The following SEMA3A variants were observed in gnomAD, a reference collection of about 807,000 sequenced individuals.
SEMA3A encodes the protein semaphorin 3A.
A neutral mutation model predicts 97.9 loss-of-function variants in SEMA3A; 29 were observed. That is an observed-to-expected ratio of 0.30 (90% CI 0.22 to 0.40). SEMA3A has a LOEUF of 0.40. Ranked by LOEUF, SEMA3A falls within the 10% of genes least tolerant of loss-of-function variation. SEMA3A has a pLI of 1.00. For synonymous variants in SEMA3A, 321 were observed against 323.7 expected, an observed-to-expected ratio of 0.99 and a Z score of 0.09; for missense variants, 763 against 951.3, an observed-to-expected ratio of 0.80 and a Z score of 2.60.
At position 83,961,845 on chromosome 7, in the gene SEMA3A, G is replaced by T. The variant is rs1273612178; in HGVS notation, c.1861-19C>A. On this transcript the variant is annotated intron_variant, in intron 16 of 16. Transcript: ENST00000265362. ...CTCTGATCTAGCAGGTTAAAAAAAA[G>T]GCAGTGTAAAATATACATATTTAAA... is the stretch of plus-strand genomic sequence containing the variant. 5 of 1,578,538 alleles carry T rather than the reference G, an allele frequency of 3.2e-6. No individual in the cohort carries two copies. The African/African-American group carries it at 6.8e-5, about 21-fold the overall frequency.
At chr7:84,396,507 AG>A (rs1431612232) in intron 1 of SEMA3A, among the ~76,000 whole-genome samples, 1 of 151,972 alleles carries the variant, frequency 6.6e-6, no homozygotes, top group African/African-American at 2.4e-5. Flanking sequence ...GGAAGATAGA[AG>A]GCACTGTAAT....
At chr7:84,403,104 C>T (rs552245122) in intron 1 of SEMA3A, among the ~76,000 whole-genome samples, 1 of 152,070 alleles carries the variant, frequency 6.6e-6, no homozygotes, top group Non-Finnish European at 1.5e-5. Flanking sequence ...GAGGCATCGC[C>T]TCACCCGGGA....
intron 1 of SEMA3A, among the ~76,000 whole-genome samples, chr7:84,487,276 C>A (rs1806599484): frequency 6.6e-6 from 1 of 152,002 alleles, no homozygotes; most frequent in Non-Finnish European, 1.5e-5. Context: ...ACCAAGAGCC[C>A]CCCATGCAAA....
chr7:84,329,443 A>G (rs1336268324), intron 2 of SEMA3A, among the ~76,000 whole-genome samples: 1 of 152,004 alleles, frequency 6.6e-6, no homozygotes, highest in Non-Finnish European at 1.5e-5. Flanking sequence ...TAGTGTTAAT[A>G]TATTTTATAT....
At chr7:84,091,735 G>A (rs3801616) in intron 4 of SEMA3A, among the ~76,000 whole-genome samples, 62,754 of 151,924 alleles carry the variant, frequency 0.41, 14,828 homozygotes, top group Admixed American at 0.52. Flanking sequence ...CTATCTTCAT[G>A]CTTTTCTCAA....
At chr7:84,486,088 G>A (rs575947960) in intron 1 of SEMA3A, among the ~76,000 whole-genome samples, 3 of 152,164 alleles carry the variant, frequency 2.0e-5, no homozygotes, top group East Asian at 1.9e-4. Flanking sequence ...TATGGTTTAC[G>A]TGATATAAAA....
chr7:84,174,395 T>C (rs1463360784), intron 1 of SEMA3A, among the ~76,000 whole-genome samples: 1 of 152,196 alleles, frequency 6.6e-6, no homozygotes, highest in South Asian at 2.1e-4. Context: ...AGGGTTTAAA[T>C]AGTGAAATGT....
intron 4 of SEMA3A, among the ~76,000 whole-genome samples, chr7:84,066,332 C>G (rs1347520489): frequency 2.0e-5 from 3 of 151,808 alleles, no homozygotes; most frequent in African/African-American, 7.3e-5. Context: ...TGGGCAAAAC[C>G]TGGAAGCATT....
At chr7:84,345,860 G>C (rs1802286571) in intron 2 of SEMA3A, among the ~76,000 whole-genome samples, 1 of 152,148 alleles carries the variant, frequency 6.6e-6, no homozygotes, top group Non-Finnish European at 1.5e-5. Context: ...CTCCTCCCAT[G>C]AACTACAAAT....
At chr7:84,294,776 C>A (rs1228177153) in intron 3 of SEMA3A, among the ~76,000 whole-genome samples, 1 of 152,002 alleles carries the variant, frequency 6.6e-6, no homozygotes, top group Non-Finnish European at 1.5e-5. Context: ...TTTGATCAAG[C>A]TGCGAGTGAA....
At chr7:84,264,356 T>C (rs1799938055) in intron 3 of SEMA3A, among the ~76,000 whole-genome samples, 1 of 152,172 alleles carries the variant, frequency 6.6e-6, no homozygotes. Context: ...ATTCTTTTCC[T>C]TGTTCTTTTT....
intron 1 of SEMA3A, among the ~76,000 whole-genome samples, chr7:84,424,328 T>C (rs1041500648): frequency 1.4e-5 from 2 of 142,516 alleles, no homozygotes; most frequent in Non-Finnish European, 1.5e-5. Context: ...TTCTATATAA[T>C]ATGATATACA....
At chr7:83,994,850 G>T (rs1584520812) in intron 12 of SEMA3A, among the ~76,000 whole-genome samples, 1 of 152,026 alleles carries the variant, frequency 6.6e-6, no homozygotes, top group African/African-American at 2.4e-5. Flanking sequence ...CCACCCAGTT[G>T]GAACTTCCCG....
chr7:84,246,511 G>A (rs901116894), intron 3 of SEMA3A, among the ~76,000 whole-genome samples: 8 of 151,784 alleles, frequency 5.3e-5, no homozygotes, highest in Non-Finnish European at 1.0e-4. Context: ...ATAAGACAGA[G>A]GTTATATATA....
At chr7:83,976,139 C>T (rs534638179) in intron 15 of SEMA3A, among the ~76,000 whole-genome samples, 1 of 152,210 alleles carries the variant, frequency 6.6e-6, no homozygotes, top group Non-Finnish European at 1.5e-5. Flanking sequence ...ACCAGCCCAT[C>T]CAGCTTATGC....
intron 3 of SEMA3A, among the ~76,000 whole-genome samples, chr7:84,271,106 C>T (rs1800141814): frequency 6.6e-6 from 1 of 151,960 alleles, no homozygotes. Context: ...ACAATATCAT[C>T]TTTCTAATCA....
At chr7:84,004,772 G>A (rs144935470) in intron 11 of SEMA3A, among the ~76,000 whole-genome samples, 1,791 of 152,250 alleles carry the variant, frequency 0.012, 18 homozygotes, top group Non-Finnish European at 0.018. Flanking sequence ...ATTTGTAATG[G>A]AAGAATATTC....
At chr7:84,433,535 A>T (rs1805043882) in intron 1 of SEMA3A, among the ~76,000 whole-genome samples, 1 of 152,160 alleles carries the variant, frequency 6.6e-6, no homozygotes, top group Admixed American at 6.5e-5. Flanking sequence ...TGGAATAAAC[A>T]TATGTGTGCC....
rs959716742 is a variant in SEMA3A at position 84,079,633 on chromosome 7, C to T, written c.454-19075G>A. 6.7e-5 allele frequency among the ~76,000 whole-genome samples: 10 copies of T among 148,344 alleles called. 1 individual carries two copies. Among genetic ancestry groups the T allele is most frequent in the African/African-American group, 2.5e-4 (10 of 39,506 alleles). ...ATCATCACTGGCCATCAGAGAAATG[C>T]AAATCAAAACCACAATGAGATACCA... On this transcript the variant is annotated intron_variant, in intron 4 of 16. Transcript: ENST00000265362.
Sources: gnomAD v4.1 joint callset for allele counts (sites outside exome capture counted in the v4.1 genomes callset) on GRCh38, gnomAD v4.1.1 for gene constraint, MANE v1.5 for transcripts, NCBI Gene and HGNC (gene_info 2026-07-23, HGNC 2026-07-21) for gene names.